The following LRRC58 variants were observed in gnomAD, a reference collection of about 807,000 sequenced individuals.
LRRC58 encodes leucine rich repeat containing 58, also known as leucine-rich repeat-containing protein 58.
Under a neutral mutation model 30.6 loss-of-function variants are expected in LRRC58, and 18 were observed. The observed-to-expected ratio is 0.59, with a 90% CI of 0.41 to 0.87. LRRC58 has a LOEUF of 0.87. Among genes scored for constraint, LRRC58 ranks in the 40% least tolerant of loss-of-function variants. The probability of loss-of-function intolerance (pLI) is 0.00; values close to 1 mark genes in which losing one functional copy is unlikely to be tolerated. For missense variants in LRRC58, 420 were observed against 468.4 expected (o/e 0.90, Z 0.95); for synonymous variants, 221 against 206.0 (o/e 1.07, Z -0.62).
At chr3:120,340,707 T>C (rs1282695493) in intron 1 of LRRC58, among the ~76,000 whole-genome samples, 1 of 152,022 alleles carries the variant, frequency 6.6e-6, no homozygotes, top group Non-Finnish European at 1.5e-5. Context: ...ATACCGTCTC[T>C]ACTAAAAAAA....
Position 120,349,323 on chromosome 3 carries a change from C to G in LRRC58, c.-80G>C, listed in dbSNP as rs1936025481. On this transcript the variant is annotated 5_prime_UTR_variant, in exon 1 of 4. Coordinates refer to ENST00000295628, the MANE Select transcript of LRRC58 (RefSeq NM_001099678.2). ...CAGAGGCCGGGAGCTCTGCGGCGCC[C>G]CGGAACCTGAACCGAGGGCTGAGTC... 7.7e-7 allele frequency: 1 copy of G among 1,302,362 alleles called. No homozygotes were observed. Among genetic ancestry groups the G allele is most frequent in the South Asian group, 2.1e-5 (1 of 48,470 alleles). The allele number at this position is 1,302,362 out of a possible 1,614,324, so 80.7% of individuals were successfully genotyped here.
chr3:120,348,543 C>CA (rs1283759704), intron 1 of LRRC58, among the ~76,000 whole-genome samples: 1 of 152,228 alleles, frequency 6.6e-6, no homozygotes, highest in Non-Finnish European at 1.5e-5. Context: ...CCAAACACAA[C>CA]ACACCAAACA....
rs1935727787 is a variant in LRRC58, at chr3:120,329,703, C to T, written c.*1497G>A. On this transcript the variant is annotated 3_prime_UTR_variant, in exon 4 of 4. Transcript: ENST00000295628. ...TTAAGAAATGGTGTGCCATGAATGC[C>T]AGAAATCAGAAAAGGTACACCTGAT... The T allele has an allele frequency of 1.6e-5, 1 of 63,932 alleles. No individual in the cohort carries two copies. Among genetic ancestry groups the T allele is most frequent in the African/African-American group, 1.1e-4 (1 of 9,430 alleles). 4.0% of individuals were successfully genotyped at this position (63,932 alleles called of 1,614,324 possible). A position where few individuals can be genotyped will look rare whatever the true frequency, so the allele number is the denominator to read the frequency against.
intron 3 of LRRC58, among the ~76,000 whole-genome samples, chr3:120,332,854 A>G (rs1935776901): frequency 6.6e-6 from 1 of 152,046 alleles, no homozygotes. Flanking sequence ...GACCCAAGCC[A>G]TCCTCTTACC....
At position 120,327,303 on chromosome 3, in the gene LRRC58, G is replaced by T. The variant is rs1183510961; in HGVS notation, c.*3897C>A. The T allele has an allele frequency of 1.4e-5, 2 of 143,548 alleles. No individual in the cohort carries two copies. The highest frequency in any genetic ancestry group is 3.0e-5 in the Non-Finnish European group (2 of 66,526). The allele number at this position is 143,548 out of a possible 1,614,324, so 8.9% of individuals were successfully genotyped here. A position where few individuals can be genotyped will look rare whatever the true frequency, so the allele number is the denominator to read the frequency against. On this transcript the variant is annotated 3_prime_UTR_variant, in exon 4 of 4. Coordinates refer to ENST00000295628, the MANE Select transcript of LRRC58 (RefSeq NM_001099678.2). ...GTCTCGCTCTGTGGCCCAGGCGGGA[G>T]TGCAGTGGCGCAATCTCGGCTCACT... is the stretch of plus-strand genomic sequence containing the variant.
intron 1 of LRRC58, among the ~76,000 whole-genome samples, chr3:120,347,402 T>TTTTTTTTTTTTTTTTTTTTTA: frequency 8.6e-6 from 1 of 116,774 alleles, no homozygotes; most frequent in South Asian, 2.9e-4. Context: ...TTTTTTTTTT[T>TTTTTTTTTTTTTTTTTTTTTA]GAGACAGAGT....
In LRRC58 at chr3:120,324,740, CT is replaced by C. The variant is rs1258333537; in HGVS notation, c.*6459del. 1 of 152,026 alleles carries C rather than the reference CT, an allele frequency of 6.6e-6. No homozygotes were observed. Among genetic ancestry groups the C allele is most frequent in the Non-Finnish European group, 1.5e-5 (1 of 67,978 alleles). The allele number at this position is 152,026 out of a possible 1,614,324, so 9.4% of individuals were successfully genotyped here. On this transcript the variant is annotated 3_prime_UTR_variant, in exon 4 of 4. Transcript: ENST00000295628. The stretch of plus-strand genomic sequence containing the variant: ...GTAGAATTGAAGTAGCCCATATATT[CT>C]TTTAAGAGCATTTAGCATTACAAGG...
At chr3:120,334,009 G>C (rs1036797073) in intron 3 of LRRC58, among the ~76,000 whole-genome samples, 1 of 151,826 alleles carries the variant, frequency 6.6e-6, no homozygotes, top group African/African-American at 2.4e-5. Context: ...GAATTCCTTG[G>C]GATACTTACC....
In LRRC58 at chr3:120,348,916, G is replaced by C; in HGVS notation, c.328C>G (p.Pro110Ala). 1 of 1,557,156 alleles carries C rather than the reference G, an allele frequency of 6.4e-7. No homozygotes were observed. The change falls in exon 1 of 4, where the codon CCC becomes GCC. Residue 110 changes from proline to alanine, a missense_variant. Physicochemically the swap from Pro to Ala is conservative, Grantham distance 27. Coordinates refer to ENST00000295628, the MANE Select transcript of LRRC58 (RefSeq NM_001099678.2). ...AGCGGCGACTGGGCCAGGCCCTTGG[G>C]CAGCGCACTGGGCCCGCCGAGCCGG... ...NNRLGGPSAL[P>A]KGLAQSPLCR...
In LRRC58 at chr3:120,349,194, T is replaced by C; in HGVS notation, c.50A>G (p.Asn17Ser). Residue 17 changes from asparagine to serine, a missense_variant, in exon 1 of 4, where the codon AAC becomes AGC. Transcript: ENST00000295628. ...GGTGGACACGCTGAGGCGGGACCAG[T>C]TCAGTTCGGCCTCCCCGGCCGTGAC... Reference protein sequence around the residue: ...AVVTAGEAELNWSRLSVSTET... With the variant: ...AVVTAGEAELSWSRLSVSTET... The C allele has an allele frequency of 6.8e-7, 1 of 1,464,518 alleles. No individual in the cohort carries two copies. The allele number at this position is 1,464,518 out of a possible 1,614,324, so 90.7% of individuals were successfully genotyped here.
rs1232364001 is a variant in LRRC58, at chr3:120,325,723, T to C, written c.*5477A>G. ...TACAAAGAAAACCAGTGGCAAAATATGCTAAGCCTTACAATATCTTCATAA... is the reference window on the plus strand; with the variant it reads ...TACAAAGAAAACCAGTGGCAAAATACGCTAAGCCTTACAATATCTTCATAA... On this transcript the variant is annotated 3_prime_UTR_variant, in exon 4 of 4. Coordinates refer to ENST00000295628, the MANE Select transcript of LRRC58 (RefSeq NM_001099678.2). The C allele has an allele frequency of 6.6e-6, 1 of 152,228 alleles. No homozygotes were observed. The highest frequency in any genetic ancestry group is 1.9e-4 in the East Asian group (1 of 5,198). The allele number at this position is 152,228 out of a possible 1,614,324, so 9.4% of individuals were successfully genotyped here.
rs796116731 is a variant in LRRC58 at position 120,347,379 on chromosome 3, C to CTTTTTTTTTTTT, written c.500+1353_500+1364dup. 5.1e-4 allele frequency among the ~76,000 whole-genome samples: 28 copies of CTTTTTTTTTTTT among 54,850 alleles called. 3 individuals are homozygous for CTTTTTTTTTTTT. The highest frequency in any genetic ancestry group is 5.2e-4 in the Non-Finnish European group (15 of 28,768). 36.0% of individuals were successfully genotyped at this position (54,850 alleles called of 152,430 possible). A position where few individuals can be genotyped will look rare whatever the true frequency, so the allele number is the denominator to read the frequency against. ...AGTTCTTTTTTCCCAGGCCAATATT[C>CTTTTTTTTTTTT]TTTTTTTTTTTTTTTTTTTTTTTGA... On this transcript the variant is annotated intron_variant, in intron 1 of 3. Transcript: ENST00000295628.
At chr3:120,333,862 T>G (rs959197296) in intron 3 of LRRC58, among the ~76,000 whole-genome samples, 1 of 152,184 alleles carries the variant, frequency 6.6e-6, no homozygotes, top group Admixed American at 6.5e-5. Flanking sequence ...TGTCTCCACT[T>G]TGTACTCGCC....
rs1936012830 is a variant in LRRC58, at chr3:120,348,866, G to A, written c.378C>T (p.Asn126=). The A allele has an allele frequency of 6.2e-7, 1 of 1,600,050 alleles. No homozygotes were observed. Among genetic ancestry groups the A allele is most frequent in the Non-Finnish European group, 8.5e-7 (1 of 1,174,392 alleles). Reference sequence around the variant, plus strand: ...CCTCCTGGAAACAGTTGCCGCTGAGGTTGAGCACCTGGAGGCTGCGGCAGA... The same window carrying A: ...CCTCCTGGAAACAGTTGCCGCTGAGATTGAGCACCTGGAGGCTGCGGCAGA... ...SPLCRSLQVL[N]LSGNCFQEVP... Residue 126 remains asparagine, a synonymous_variant, in exon 1 of 4, where the codon AAC becomes AAT. Coordinates refer to ENST00000295628, the MANE Select transcript of LRRC58 (RefSeq NM_001099678.2).
intron 1 of LRRC58, among the ~76,000 whole-genome samples, chr3:120,346,913 A>G (rs139379509): frequency 6.6e-6 from 1 of 152,314 alleles, no homozygotes; most frequent in African/African-American, 2.4e-5. Context: ...ATAAAATCCA[A>G]ACTTTATCAT....
At chr3:120,334,451 T>G (rs190343305) in intron 3 of LRRC58, among the ~76,000 whole-genome samples, 2,044 of 152,138 alleles carry the variant, frequency 0.013, 36 homozygotes, top group African/African-American at 0.046. Context: ...GAGTTTGCAA[T>G]GAGCCGAGAT....
At chr3:120,334,754 G>T in intron 3 of LRRC58, 108 bp downstream of exon 3, 2 of 1,067,334 alleles carry the variant, frequency 1.9e-6, no homozygotes, top group Non-Finnish European at 2.6e-6. Context: ...ATAAATGAGT[G>T]AAAAAATAAA....
intron 3 of LRRC58, among the ~76,000 whole-genome samples, chr3:120,331,694 G>A (rs1329044455): frequency 6.6e-6 from 1 of 152,166 alleles, no homozygotes; most frequent in Non-Finnish European, 1.5e-5. Context: ...GGCAATGGCT[G>A]ATGGAGATTT....
At chr3:120,341,905 T>C (rs1450128081) in intron 1 of LRRC58, among the ~76,000 whole-genome samples, 1 of 152,092 alleles carries the variant, frequency 6.6e-6, no homozygotes, top group East Asian at 1.9e-4. Flanking sequence ...TGAGCCTCCC[T>C]GTGCTCTAGG....
Sources: gnomAD v4.1 joint callset for allele counts (sites outside exome capture counted in the v4.1 genomes callset) on GRCh38, gnomAD v4.1.1 for gene constraint, MANE v1.5 for transcripts, NCBI Gene and HGNC (gene_info 2026-07-23, HGNC 2026-07-21) for gene names.